Variants in ACTN4 observed in about 807,000 individuals in gnomAD.
The protein encoded by ACTN4 is actinin alpha 4, also known as alpha-actinin-4.
In ACTN4, 18 loss-of-function variants were observed where a neutral mutation model predicts 114.2. The observed-to-expected ratio is 0.16, with a 90% CI of 0.11 to 0.23. The LOEUF is 0.23. Ranked by LOEUF, ACTN4 falls within the 10% of genes least tolerant of loss-of-function variation. The pLI, the probability that ACTN4 is intolerant of heterozygous loss-of-function variation, is 1.00. For synonymous variants in ACTN4, 515 were observed against 506.3 expected (o/e 1.02, Z -0.23); for missense variants, 722 against 1,262.9 (o/e 0.57, Z 6.49).
chr19:38,718,506 A>G (rs1968922719), intron 11 of ACTN4, among the ~76,000 whole-genome samples: 2 of 152,110 alleles, frequency 1.3e-5, no homozygotes, highest in Admixed American at 1.3e-4. Context: ...ACTGCACTCC[A>G]GCCTGGGTGA....
intron 1 of ACTN4, among the ~76,000 whole-genome samples, chr19:38,662,412 A>G (rs1173820575): frequency 6.6e-6 from 1 of 152,204 alleles, no homozygotes; most frequent in African/African-American, 2.4e-5. Context: ...CCGTGGGTAG[A>G]GTATAACGGA....
intron 11 of ACTN4, chr19:38,718,370 A>T (rs976534099): frequency 2.1e-6 from 1 of 471,634 alleles, no homozygotes; most frequent in Non-Finnish European, 4.0e-6. Flanking sequence ...ATACAAAAAA[A>T]TTTTAGAATA....
intron 2 of ACTN4, 134 bp downstream of exon 2, chr19:38,700,848 T>C: frequency 1.5e-6 from 2 of 1,363,880 alleles, no homozygotes; most frequent in South Asian, 1.2e-5. Context: ...AGCTGCACGG[T>C]GGTCTGATGG....
chr19:38,672,544 G>T (rs115582771), intron 1 of ACTN4, among the ~76,000 whole-genome samples: 1,711 of 151,654 alleles, frequency 0.011, 40 homozygotes, highest in African/African-American at 0.037. Flanking sequence ...CCCTGCCAAG[G>T]TTCTATTATT....
At chr19:38,653,427 A>AG (rs1349466994) in intron 1 of ACTN4, among the ~76,000 whole-genome samples, 6 of 152,170 alleles carry the variant, frequency 3.9e-5, no homozygotes, top group Admixed American at 6.5e-5. Context: ...AAAAAAAAAA[A>AG]AAGATTCCCT....
At chr19:38,718,205 T>TCCCAAGCAGCAAGAAA in intron 11 of ACTN4, 131 bp downstream of exon 11, 2 of 1,451,822 alleles carry the variant, frequency 1.4e-6, no homozygotes, top group Non-Finnish European at 1.9e-6. Flanking sequence ...CCTTTCTTGC[T>TCCCAAGCAGCAAGAAA]GCTTGGGAGC....
At chr19:38,698,966 G>A (rs1293615145) in intron 1 of ACTN4, among the ~76,000 whole-genome samples, 1 of 152,212 alleles carries the variant, frequency 6.6e-6, no homozygotes, top group African/African-American at 2.4e-5. Flanking sequence ...CCTCCGCATG[G>A]CCTCCGCCTG....
At chr19:38,718,362 A>C (rs1197469082) in intron 11 of ACTN4, 1 of 506,564 alleles carries the variant, frequency 2.0e-6, no homozygotes, top group Non-Finnish European at 3.6e-6. Context: ...CCCTGCCTAT[A>C]CAAAAAAATT....
chr19:38,715,245 G>A (rs539434099), intron 9 of ACTN4, among the ~76,000 whole-genome samples: 3 of 152,250 alleles, frequency 2.0e-5, no homozygotes, highest in Admixed American at 6.5e-5. Flanking sequence ...ACCTGTAATC[G>A]CAGCATTTTG....
intron 1 of ACTN4, chr19:38,648,159 G>A (rs1267516994): frequency 2.5e-6 from 1 of 407,840 alleles, no homozygotes; most frequent in Admixed American, 4.5e-5. Context: ...GAATCGGGAA[G>A]GCTGATGAAG....
chr19:38,664,139 C>T (rs962566934), intron 1 of ACTN4, among the ~76,000 whole-genome samples: 3 of 152,340 alleles, frequency 2.0e-5, no homozygotes, highest in Admixed American at 6.5e-5. Flanking sequence ...TGCCCTGCAA[C>T]GCGGGTGGCC....
chr19:38,721,191 C>T (rs1434021194), intron 11 of ACTN4, among the ~76,000 whole-genome samples: 1 of 152,200 alleles, frequency 6.6e-6, no homozygotes, highest in African/African-American at 2.4e-5. Flanking sequence ...GATCAAAGCC[C>T]TCCAGAAACA....
rs753358822 is a variant in ACTN4 at position 38,729,610 on chromosome 19, C to T, written c.*178C>T. The T allele has an allele frequency of 2.6e-5, 24 of 933,134 alleles. No homozygotes were observed. In the South Asian group the frequency reaches 3.4e-4, roughly 13 times the overall value. 57.8% of individuals were successfully genotyped at this position (933,134 alleles called of 1,614,324 possible). On this transcript the variant is annotated 3_prime_UTR_variant, in exon 21 of 21. Coordinates refer to ENST00000252699, the MANE Select transcript of ACTN4 (RefSeq NM_004924.6). ...CTCCTCTCTCTCTTTGTGGGTTGGC[C>T]AGGAGGTTCCCCCGACCAGGTTGGG...
intron 1 of ACTN4, among the ~76,000 whole-genome samples, chr19:38,688,576 A>G (rs1407297712): frequency 2.0e-5 from 3 of 151,290 alleles, no homozygotes; most frequent in African/African-American, 7.3e-5. Flanking sequence ...GTCTCTAAAT[A>G]ATAATAAAAA....
Position 38,726,903 on chromosome 19 carries a change from G to C in ACTN4, c.2191-54G>C. On this transcript the variant is annotated intron_variant, in intron 17 of 20. Transcript: ENST00000252699. ...TCACAGTCCTCCACGTGTGAACCAC[G>C]GTGAGGACAGTTCACAGCACCCGGC... 4 of 1,610,294 alleles carry C rather than the reference G, an allele frequency of 2.5e-6. No homozygotes were observed. In the South Asian group the frequency reaches 3.3e-5, roughly 13 times the overall value.
intron 6 of ACTN4, among the ~76,000 whole-genome samples, chr19:38,708,994 AC>A (rs1420194455): frequency 6.6e-6 from 1 of 151,866 alleles, no homozygotes; most frequent in Non-Finnish European, 1.5e-5. Context: ...GGTGGTTGGG[AC>A]CTGGGACCTC....
chr19:38,687,050 G>A (rs1184436864), intron 1 of ACTN4, among the ~76,000 whole-genome samples: 3 of 145,048 alleles, frequency 2.1e-5, no homozygotes, highest in African/African-American at 7.6e-5. Flanking sequence ...TGCAGCCTCC[G>A]CCTCCTGGGC....
intron 1 of ACTN4, among the ~76,000 whole-genome samples, chr19:38,670,348 G>C (rs574942766): frequency 6.6e-6 from 1 of 152,342 alleles, no homozygotes; most frequent in South Asian, 2.1e-4. Context: ...GAACAGCAAG[G>C]ATAGGCCGGC....
intron 1 of ACTN4, among the ~76,000 whole-genome samples, chr19:38,700,317 A>G (rs1968228983): frequency 6.6e-6 from 1 of 152,076 alleles, no homozygotes; most frequent in African/African-American, 2.4e-5. Flanking sequence ...TGTTGCCAAA[A>G]TTGACAGACC....
Sources: allele counts gnomAD v4.1 joint callset (sites outside exome capture counted in the v4.1 genomes callset), GRCh38; gene constraint gnomAD v4.1.1; transcripts MANE v1.5; gene names NCBI Gene and HGNC (gene_info 2026-07-23, HGNC 2026-07-21).